Variants in UEVLD observed in about 807,000 individuals in gnomAD.
UEVLD encodes the protein ubiquitin-conjugating enzyme E2 variant 3.
A neutral mutation model predicts 58.6 loss-of-function variants in UEVLD; 47 were observed. The observed-to-expected ratio is 0.80, with a 90% CI of 0.63 to 1.02. The LOEUF is 1.02. Ranked by LOEUF, UEVLD falls within the 50% of genes least tolerant of loss-of-function variation. UEVLD has a pLI of 0.00. For synonymous variants in UEVLD, 197 were observed against 195.3 expected (o/e 1.01, Z -0.07); for missense variants, 510 against 550.6 (o/e 0.93, Z 0.74).
intron 7 of UEVLD, among the ~76,000 whole-genome samples, chr11:18,556,054 C>T (rs1391183998): frequency 2.0e-5 from 3 of 152,180 alleles, no homozygotes; most frequent in Non-Finnish European, 4.4e-5. Flanking sequence ...TACTGACTCC[C>T]TACTTGGTGG....
intron 7 of UEVLD, among the ~76,000 whole-genome samples, chr11:18,549,961 A>T (rs1851458127): frequency 6.6e-6 from 1 of 151,802 alleles, no homozygotes; most frequent in Non-Finnish European, 1.5e-5. Flanking sequence ...AGCTGGGATT[A>T]CAGGTGCCCA....
intron 6 of UEVLD, among the ~76,000 whole-genome samples, chr11:18,560,474 T>A (rs2134010336): frequency 6.6e-6 from 1 of 152,314 alleles, no homozygotes; most frequent in African/African-American, 2.4e-5. Context: ...CAATTTTCTA[T>A]CAAAAATTTA....
intron 1 of UEVLD, among the ~76,000 whole-genome samples, chr11:18,582,272 G>A (rs1344291426): frequency 2.0e-5 from 3 of 151,982 alleles, no homozygotes; most frequent in East Asian, 1.9e-4. Flanking sequence ...CACTCTTCTC[G>A]GGACTTAAAA....
chr11:18,573,410 T>C (rs1852731502), intron 3 of UEVLD, among the ~76,000 whole-genome samples: 1 of 152,108 alleles, frequency 6.6e-6, no homozygotes, highest in Non-Finnish European at 1.5e-5. Context: ...ACCCTTCCCT[T>C]CCCTTTCTTT....
At chr11:18,568,608 G>A (rs1852414537) in intron 4 of UEVLD, among the ~76,000 whole-genome samples, 1 of 152,022 alleles carries the variant, frequency 6.6e-6, no homozygotes, top group Non-Finnish European at 1.5e-5. Flanking sequence ...TAAATCATCA[G>A]GTAATGCAAA....
At chr11:18,557,090 CAA>C (rs550382014) in intron 7 of UEVLD, among the ~76,000 whole-genome samples, 117 of 83,268 alleles carry the variant, frequency 1.4e-3, no homozygotes, top group Middle Eastern at 6.1e-3. Context: ...AACCCCGACT[CAA>C]AAAAAAAAAA....
chr11:18,531,378 T>G lies in UEVLD; in HGVS notation c.*942A>C, dbSNP rs1304127183. 6.6e-6 allele frequency: 1 copy of G among 152,230 alleles called. No individual in the cohort carries two copies. Among genetic ancestry groups the G allele is most frequent in the Non-Finnish European group, 1.5e-5 (1 of 68,032 alleles). The allele number at this position is 152,230 out of a possible 1,614,324, so 9.4% of individuals were successfully genotyped here. A position where few individuals can be genotyped will look rare whatever the true frequency, so the allele number is the denominator to read the frequency against. The stretch of plus-strand genomic sequence containing the variant: ...TAGTTGTATGTCACAATAGTAATAA[T>G]AAGCTATCTTTCACATAAGAAAATA... On this transcript the variant is annotated 3_prime_UTR_variant, in exon 12 of 12. Transcript: ENST00000396197.
chr11:18,530,127 C>G lies in UEVLD; in HGVS notation c.*2193G>C, dbSNP rs1234982205. ...TGTTCAAAAGCATATTACATATTAT[C>G]TAACTTTAATTAGATATCAAATATT... On this transcript the variant is annotated 3_prime_UTR_variant, in exon 12 of 12. Transcript: ENST00000396197. 1.3e-5 allele frequency: 2 copies of G among 152,118 alleles called. No homozygotes were observed. Among genetic ancestry groups the G allele is most frequent in the Non-Finnish European group, 2.9e-5 (2 of 68,024 alleles). The allele number at this position is 152,118 out of a possible 1,614,324, so 9.4% of individuals were successfully genotyped here. A position where few individuals can be genotyped will look rare whatever the true frequency, so the allele number is the denominator to read the frequency against.
intron 6 of UEVLD, 37 bp from the exon 7 acceptor site, chr11:18,558,367 G>T: frequency 1.5e-6 from 2 of 1,371,342 alleles, no homozygotes; most frequent in Non-Finnish European, 2.0e-6. Flanking sequence ...ACTGAACATG[G>T]CCAGTGACTC....
At chr11:18,579,308 A>G in intron 1 of UEVLD, 1 of 301,372 alleles carries the variant, frequency 3.3e-6, no homozygotes, top group African/African-American at 2.3e-5. Context: ...GCAGGAGAAG[A>G]AAATGAAAGC....
chr11:18,533,679 T>C lies in UEVLD; in HGVS notation c.1248+651A>G, dbSNP rs1036463294. ...ACATGAGGGTGAGAAGGCAACCTGA[T>C]AGAAGTCCACACTTTTTTTGTTTGT... is the stretch of plus-strand genomic sequence containing the variant. On this transcript the variant is annotated intron_variant, in intron 11 of 11. Transcript: ENST00000396197. Among the ~76,000 whole-genome samples the C allele has an allele frequency of 4.6e-5, 7 of 152,344 alleles. No individual in the cohort carries two copies. The South Asian group carries it at 1.5e-3, about 32-fold the overall frequency.
chr11:18,566,065 CTTT>C (rs879682575), intron 5 of UEVLD, among the ~76,000 whole-genome samples: 1 of 151,428 alleles, frequency 6.6e-6, no homozygotes, highest in Non-Finnish European at 1.5e-5. Context: ...CGCCCAGCTA[CTTT>C]TTTTATTTTT....
chr11:18,555,677 G>A (rs1305131129), intron 7 of UEVLD, among the ~76,000 whole-genome samples: 1 of 152,124 alleles, frequency 6.6e-6, no homozygotes, highest in Admixed American at 6.5e-5. Context: ...GCTGGGTATG[G>A]TGACGTGCAC....
rs143563407 is a variant in UEVLD at position 18,572,414 on chromosome 11, G to A, written c.194-2037C>T. On this transcript the variant is annotated intron_variant, in intron 3 of 11. Transcript: ENST00000396197. ...CCATGCAGATGGGAGGATAGATATAGGCTTCACTTCATCCCTTCCCAAATG... is the reference window on the plus strand; with the variant it reads ...CCATGCAGATGGGAGGATAGATATAAGCTTCACTTCATCCCTTCCCAAATG... Among the ~76,000 whole-genome samples the A allele has an allele frequency of 1.4e-3, 217 of 152,266 alleles. 1 individual carries two copies. Among genetic ancestry groups the A allele is most frequent in the African/African-American group, 5.0e-3 (206 of 41,550 alleles).
intron 8 of UEVLD, among the ~76,000 whole-genome samples, chr11:18,545,741 GGT>G (rs1015681939): frequency 2.6e-5 from 4 of 152,024 alleles, no homozygotes; most frequent in Admixed American, 1.3e-4. Context: ...CACCGTGCCT[GGT>G]CAAATTTTAT....
intron 2 of UEVLD, among the ~76,000 whole-genome samples, 153 bp from the exon 3 acceptor site, chr11:18,575,565 T>C (rs1289071515): frequency 6.6e-6 from 1 of 152,140 alleles, no homozygotes; most frequent in Non-Finnish European, 1.5e-5. Context: ...GGTAAATCTG[T>C]CAACAAGAGG....
intron 10 of UEVLD, among the ~76,000 whole-genome samples, chr11:18,535,028 G>A (rs915750530): frequency 6.6e-6 from 1 of 152,110 alleles, no homozygotes; most frequent in African/African-American, 2.4e-5. Flanking sequence ...AGAAGAATAA[G>A]GTAGATTTAC....
rs768787629 is a variant in UEVLD, at chr11:18,536,409, T to C, written c.1121A>G (p.Asn374Ser). 2.2e-5 allele frequency: 35 copies of C among 1,613,668 alleles called. No individual in the cohort carries two copies. Among genetic ancestry groups the C allele is most frequent in the Non-Finnish European group, 3.0e-5 (35 of 1,179,792 alleles). ...GCAAATTTCCAGTCAGTGTTACCTG[T>C]TGGACAGCTGCACTTGAGAGGTATG... ...VSHTSQVQLSNRAMELLRVKG... is the reference protein window; with the variant it reads ...VSHTSQVQLSSRAMELLRVKG... Residue 374 changes from asparagine to serine, a missense_variant, in exon 10 of 12, where the codon AAC becomes AGC. By Grantham distance (46) the Asn-to-Ser change is conservative. Coordinates refer to ENST00000396197, the MANE Select transcript of UEVLD (RefSeq NM_001040697.4).
At chr11:18,561,864 A>C (rs545404003) in intron 6 of UEVLD, among the ~76,000 whole-genome samples, 83 of 150,796 alleles carry the variant, frequency 5.5e-4, no homozygotes, top group Middle Eastern at 3.4e-3. Flanking sequence ...GCGCCACTGC[A>C]CTCCAGCCTG....
Sources: allele counts gnomAD v4.1 joint callset (sites outside exome capture counted in the v4.1 genomes callset), GRCh38; gene constraint gnomAD v4.1.1; transcripts MANE v1.5; gene names NCBI Gene and HGNC (gene_info 2026-07-23, HGNC 2026-07-21).